CCSER1: variants seen among roughly 807,000 people sequenced by gnomAD.
CCSER1 encodes coiled-coil serine rich protein 1, also known as serine-rich coiled-coil domain-containing protein 1.
A neutral mutation model predicts 82.0 loss-of-function variants in CCSER1; 41 were observed. The observed-to-expected ratio is 0.50, with a 90% CI of 0.39 to 0.65. The LOEUF (loss-of-function observed/expected upper bound fraction) is 0.65, where lower values mean the gene tolerates loss of function less well. Among genes scored for constraint, CCSER1 ranks in the 30% least tolerant of loss-of-function variants. The pLI, the probability that CCSER1 is intolerant of heterozygous loss-of-function variation, is 0.00. For missense variants in CCSER1, 1,119 were observed against 1,064.2 expected (o/e 1.05, Z -0.72); for synonymous variants, 414 against 383.9 (o/e 1.08, Z -0.92).
intron 3 of CCSER1, among the ~76,000 whole-genome samples, chr4:90,377,776 A>C (rs1748591718): frequency 6.6e-6 from 1 of 152,158 alleles, no homozygotes; most frequent in African/African-American, 2.4e-5. Flanking sequence ...AACTGAGATG[A>C]GCATTTTTAC....
At chr4:90,336,111 T>A (rs1740343811) in intron 3 of CCSER1, among the ~76,000 whole-genome samples, 1 of 152,202 alleles carries the variant, frequency 6.6e-6, no homozygotes, top group Non-Finnish European at 1.5e-5. Flanking sequence ...ATTAATCCTT[T>A]TTTTCTAGAC....
In CCSER1 at chr4:90,407,656, G is replaced by A. The variant is rs549579893; in HGVS notation, c.1603+7527G>A. Among the ~76,000 whole-genome samples the A allele has an allele frequency of 9.9e-5, 15 of 152,228 alleles. No individual in the cohort carries two copies. In the South Asian group the frequency reaches 3.1e-3, roughly 32 times the overall value. ...ATATCAAAAAGATGATCCAGAGGTG[G>A]AGCCAAGATGGCCGAATAGGAACAG... is the stretch of plus-strand genomic sequence containing the variant. On this transcript the variant is annotated intron_variant, in intron 4 of 10. Transcript: ENST00000509176.
At chr4:90,221,540 C>T (rs1001468180) in intron 1 of CCSER1, among the ~76,000 whole-genome samples, 1 of 152,092 alleles carries the variant, frequency 6.6e-6, no homozygotes, top group African/African-American at 2.4e-5. Context: ...CAAACGTCTT[C>T]GCTTGTCATT....
At chr4:90,210,036 G>A (rs1409940817) in intron 1 of CCSER1, among the ~76,000 whole-genome samples, 1 of 152,096 alleles carries the variant, frequency 6.6e-6, no homozygotes, top group Non-Finnish European at 1.5e-5. Context: ...TGTTAGCAAA[G>A]TAAACACTTG....
intron 8 of CCSER1, among the ~76,000 whole-genome samples, chr4:90,830,988 T>TA: frequency 6.6e-6 from 1 of 152,162 alleles, no homozygotes; most frequent in Non-Finnish European, 1.5e-5. Flanking sequence ...GTATTCCACT[T>TA]ACTGTTCCCA....
At chr4:90,742,208 C>T (rs1746668286) in intron 7 of CCSER1, among the ~76,000 whole-genome samples, 1 of 152,214 alleles carries the variant, frequency 6.6e-6, no homozygotes, top group African/African-American at 2.4e-5. Context: ...TTGAATCACT[C>T]TCCCACCAGG....
At chr4:91,295,803 G>T (rs1169104398) in intron 10 of CCSER1, among the ~76,000 whole-genome samples, 2 of 151,766 alleles carry the variant, frequency 1.3e-5, no homozygotes, top group African/African-American at 4.8e-5. Flanking sequence ...ATCATACCAT[G>T]AATCAGCCTC....
chr4:90,520,145 T>C (rs1772892115), intron 5 of CCSER1, among the ~76,000 whole-genome samples: 1 of 151,852 alleles, frequency 6.6e-6, no homozygotes, highest in Non-Finnish European at 1.5e-5. Flanking sequence ...GGACAAAAAA[T>C]AAGCTTTTAA....
At chr4:91,180,973 G>T (rs937341093) in intron 10 of CCSER1, among the ~76,000 whole-genome samples, 1 of 152,222 alleles carries the variant, frequency 6.6e-6, no homozygotes, top group Non-Finnish European at 1.5e-5. Context: ...ATGTCCTTAA[G>T]GCACAGATCA....
At chr4:90,528,031 A>G (rs545090787) in intron 5 of CCSER1, among the ~76,000 whole-genome samples, 16 of 152,274 alleles carry the variant, frequency 1.1e-4, no homozygotes, top group South Asian at 2.1e-4. Context: ...ATGATAACAT[A>G]CAAGCAGTTA....
chr4:91,267,051 C>T (rs749554457), intron 10 of CCSER1, among the ~76,000 whole-genome samples: 3 of 152,204 alleles, frequency 2.0e-5, no homozygotes, highest in Non-Finnish European at 4.4e-5. Context: ...CTCCTTCCTT[C>T]CCACATCCCA....
chr4:91,363,080 C>T (rs1685858628), intron 10 of CCSER1, among the ~76,000 whole-genome samples: 1 of 151,484 alleles, frequency 6.6e-6, no homozygotes, highest in African/African-American at 2.4e-5. Context: ...TTTTTGTCCA[C>T]AAGAAACTCT....
intron 5 of CCSER1, among the ~76,000 whole-genome samples, chr4:90,501,396 C>T (rs1769858571): frequency 6.6e-6 from 1 of 150,696 alleles, no homozygotes; most frequent in African/African-American, 2.4e-5. Context: ...GGGTGATAAA[C>T]ACTGCCATTT....
chr4:91,195,856 A>G (rs1368338083), intron 10 of CCSER1, among the ~76,000 whole-genome samples: 1 of 152,002 alleles, frequency 6.6e-6, no homozygotes, highest in Admixed American at 6.6e-5. Flanking sequence ...CTCTGCAGTG[A>G]TTCACACCGT....
At chr4:90,564,687 G>GAGT (rs144118282) in intron 5 of CCSER1, among the ~76,000 whole-genome samples, 44,055 of 143,556 alleles carry the variant, frequency 0.31, 6,757 homozygotes, top group East Asian at 0.53. Flanking sequence ...AATTCATTTT[G>GAGT]TTTTTTTTTT....
chr4:90,202,232 C>T (rs957278280), intron 1 of CCSER1, among the ~76,000 whole-genome samples: 1 of 148,304 alleles, frequency 6.7e-6, no homozygotes. Context: ...CTGAGTGTCG[C>T]TCTGTCACCC....
At chr4:90,875,602 G>T (rs1448595147) in intron 8 of CCSER1, among the ~76,000 whole-genome samples, 1 of 152,106 alleles carries the variant, frequency 6.6e-6, no homozygotes, top group African/African-American at 2.4e-5. Context: ...AACAAGTCTT[G>T]CATGTCACTA....
intron 3 of CCSER1, among the ~76,000 whole-genome samples, chr4:90,393,434 G>A (rs1400322414): frequency 6.6e-6 from 1 of 152,150 alleles, no homozygotes; most frequent in Non-Finnish European, 1.5e-5. Context: ...AAGGTAGAAT[G>A]ACTAGAAGAA....
intron 10 of CCSER1, among the ~76,000 whole-genome samples, chr4:91,408,429 G>A (rs981242096): frequency 6.6e-6 from 1 of 152,152 alleles, no homozygotes; most frequent in East Asian, 1.9e-4. Flanking sequence ...GGTTATATCA[G>A]CCAGCCTTTT....
Sources: gnomAD v4.1 joint callset for allele counts (sites outside exome capture counted in the v4.1 genomes callset) on GRCh38, gnomAD v4.1.1 for gene constraint, MANE v1.5 for transcripts, NCBI Gene and HGNC (gene_info 2026-07-23, HGNC 2026-07-21) for gene names.